GPR141: variants seen among roughly 807,000 people sequenced by gnomAD.
GPR141 encodes G protein-coupled receptor 141.
A neutral mutation model predicts 6.8 loss-of-function variants in GPR141; 6 were observed. The ratio of observed to expected loss-of-function variants is 0.88; its 90% confidence interval spans 0.48 to 1.74. The LOEUF (loss-of-function observed/expected upper bound fraction) is 1.74. Among genes scored for constraint, GPR141 ranks in the 40% most tolerant of loss-of-function variants. GPR141 has a pLI of 0.01. For synonymous variants in GPR141, 140 were observed against 142.3 expected (o/e 0.98, Z 0.11); for missense variants, 372 against 372.9 (o/e 1.00, Z 0.02).
chr7:37,707,052 C>T (rs1226685674), intron 2 of GPR141, among the ~76,000 whole-genome samples: 1 of 152,080 alleles, frequency 6.6e-6, no homozygotes, highest in East Asian at 1.9e-4. Flanking sequence ...TCCCCTTTAC[C>T]TCCTTCCTGT....
At chr7:37,728,202 C>A (rs1367208471) in intron 2 of GPR141, among the ~76,000 whole-genome samples, 1 of 152,210 alleles carries the variant, frequency 6.6e-6, no homozygotes, top group Non-Finnish European at 1.5e-5. Context: ...TGAATTCTTG[C>A]AGCATTTTTC....
intron 2 of GPR141, among the ~76,000 whole-genome samples, chr7:37,730,401 T>C (rs1811866141): frequency 6.6e-6 from 1 of 152,230 alleles, no homozygotes; most frequent in African/African-American, 2.4e-5. Flanking sequence ...CTCTTCAAAG[T>C]GCCTGTGTCC....
In GPR141 at chr7:37,742,858, T is replaced by A. The variant is rs1812637480; in HGVS notation, c.*1547T>A. On this transcript the variant is annotated 3_prime_UTR_variant, in exon 3 of 3. Transcript: ENST00000334425. ...GTACCCCTGAACTTAAAATAAAATT[T>A]AAAGTAATAATAATAAAATAATATG... Among the ~76,000 whole-genome samples the A allele has an allele frequency of 6.6e-6, 1 of 152,334 alleles. No individual in the cohort carries two copies. The highest frequency in any genetic ancestry group is 2.1e-4 in the South Asian group (1 of 4,828).
At chr7:37,720,675 A>G (rs187570943) in intron 2 of GPR141, among the ~76,000 whole-genome samples, 179 of 149,492 alleles carry the variant, frequency 1.2e-3, no homozygotes, top group African/African-American at 4.3e-3. Flanking sequence ...CGGAAGGCGG[A>G]GCTTGCAGTG....
chr7:37,734,298 G>A (rs1164408080), intron 2 of GPR141, among the ~76,000 whole-genome samples: 1 of 152,198 alleles, frequency 6.6e-6, no homozygotes, highest in Non-Finnish European at 1.5e-5. Context: ...CATTTTAGGT[G>A]AGAGAAATAA....
chr7:37,708,210 A>G (rs1324021232), intron 2 of GPR141, among the ~76,000 whole-genome samples: 1 of 146,408 alleles, frequency 6.8e-6, no homozygotes, highest in East Asian at 2.1e-4. Flanking sequence ...ATCCAGGTAA[A>G]TGACTAATCT....
intron 2 of GPR141, among the ~76,000 whole-genome samples, chr7:37,710,335 T>G (rs1033341706): frequency 6.6e-6 from 1 of 152,132 alleles, no homozygotes; most frequent in Admixed American, 6.6e-5. Flanking sequence ...TGCAACTACA[T>G]AGACTCCATG....
intron 2 of GPR141, among the ~76,000 whole-genome samples, chr7:37,691,482 G>T (rs927002456): frequency 3.3e-5 from 5 of 151,546 alleles, no homozygotes; most frequent in Admixed American, 1.3e-4. Flanking sequence ...CTGTTATTTT[G>T]TTAATTGTTT....
At chr7:37,690,013 C>T (rs186324393) in intron 2 of GPR141, among the ~76,000 whole-genome samples, 34 of 151,428 alleles carry the variant, frequency 2.2e-4, no homozygotes, top group East Asian at 9.7e-4. Context: ...TCTACTTTTT[C>T]GATGTAGGCA....
At position 37,690,532 on chromosome 7, in the gene GPR141, T is replaced by C. The variant is rs1809710082; in HGVS notation, c.-15+4949T>C. ...GCAGATACTGGCACTATGCTTACTGTAGAGCCTGCAGAGCCATGAGCCAAA... is the reference window on the plus strand; with the variant it reads ...GCAGATACTGGCACTATGCTTACTGCAGAGCCTGCAGAGCCATGAGCCAAA... On this transcript the variant is annotated intron_variant, in intron 2 of 2. Coordinates refer to ENST00000334425, the MANE Select transcript of GPR141 (RefSeq NM_001381946.1). Among the ~76,000 whole-genome samples, 2 of 152,180 alleles carry C rather than the reference T, an allele frequency of 1.3e-5. 1 individual carries two copies. The highest frequency in any genetic ancestry group is 4.1e-4 in the South Asian group (2 of 4,828).
chr7:37,731,762 A>AT (rs965266378), intron 2 of GPR141, among the ~76,000 whole-genome samples: 1 of 152,154 alleles, frequency 6.6e-6, no homozygotes, highest in Non-Finnish European at 1.5e-5. Context: ...CAGATATATA[A>AT]TTTTTTTGTC....
At chr7:37,693,110 T>C (rs1809854760) in intron 2 of GPR141, among the ~76,000 whole-genome samples, 1 of 152,194 alleles carries the variant, frequency 6.6e-6, no homozygotes, top group African/African-American at 2.4e-5. Flanking sequence ...TTGCCTAGGT[T>C]TTCTTCTAGG....
At chr7:37,688,618 T>C (rs1040202633) in intron 2 of GPR141, among the ~76,000 whole-genome samples, 1 of 152,184 alleles carries the variant, frequency 6.6e-6, no homozygotes, top group Non-Finnish European at 1.5e-5. Context: ...CCAGAAGTCC[T>C]CTCTCCTCCT....
intron 2 of GPR141, among the ~76,000 whole-genome samples, 187 bp downstream of exon 2, chr7:37,685,770 T>A (rs1809481593): frequency 6.6e-6 from 1 of 150,442 alleles, no homozygotes; most frequent in Admixed American, 6.6e-5. Flanking sequence ...TTTTTTTTTT[T>A]TTTTTTAAAT....
chr7:37,689,808 A>G (rs552498385), intron 2 of GPR141, among the ~76,000 whole-genome samples: 1 of 151,158 alleles, frequency 6.6e-6, no homozygotes, highest in East Asian at 1.9e-4. Context: ...TGGTTAGTTT[A>G]GATAATCATT....
At position 37,741,500 on chromosome 7, in the gene GPR141, G is replaced by A. The variant is rs1186957899; in HGVS notation, c.*189G>A. On this transcript the variant is annotated 3_prime_UTR_variant, in exon 3 of 3. Transcript: ENST00000334425. ...TCCCTCCCATCTCTGAGTGATGGCCGTACAAAGACCAGTGTTGTTGAATCC... is the reference window on the plus strand; with the variant it reads ...TCCCTCCCATCTCTGAGTGATGGCCATACAAAGACCAGTGTTGTTGAATCC... 3 of 528,768 alleles carry A rather than the reference G, an allele frequency of 5.7e-6. No homozygotes were observed. The highest frequency in any genetic ancestry group is 3.6e-5 in the Admixed American group (1 of 27,704). The allele number at this position is 528,768 out of a possible 1,614,324, so 32.8% of individuals were successfully genotyped here. A position where few individuals can be genotyped will look rare whatever the true frequency, so the allele number is the denominator to read the frequency against.
rs375884350 is a variant in GPR141, at chr7:37,708,487, G to C, written c.-15+22904G>C. ...CCCAATAAGGTGCCATGTTCAGAGA[G>C]TGGTGAAAGCTAAAGCTGACCTTAT... is the stretch of plus-strand genomic sequence containing the variant. On this transcript the variant is annotated intron_variant, in intron 2 of 2. Transcript: ENST00000334425. Among the ~76,000 whole-genome samples, 7 of 152,238 alleles carry C rather than the reference G, an allele frequency of 4.6e-5. 1 individual carries two copies. The South Asian group carries it at 1.2e-3, about 27-fold the overall frequency.
At chr7:37,734,551 G>T (rs1562791013) in intron 2 of GPR141, among the ~76,000 whole-genome samples, 2 of 152,206 alleles carry the variant, frequency 1.3e-5, no homozygotes, top group Non-Finnish European at 2.9e-5. Context: ...AGGGGAAAGA[G>T]GGAAGATACC....
At chr7:37,685,001 AG>A (rs1809432629) in intron 1 of GPR141, among the ~76,000 whole-genome samples, 2 of 152,232 alleles carry the variant, frequency 1.3e-5, no homozygotes, top group African/African-American at 4.8e-5. Flanking sequence ...TTTCTACAAA[AG>A]CCTTGATAGT....
Sources: allele counts gnomAD v4.1 joint callset (sites outside exome capture counted in the v4.1 genomes callset), GRCh38; gene constraint gnomAD v4.1.1; transcripts MANE v1.5; gene names NCBI Gene and HGNC (gene_info 2026-07-23, HGNC 2026-07-21).